Variants in MTERF2 observed in about 807,000 individuals in gnomAD.
MTERF2 encodes mitochondrial transcription termination factor 2, also known as transcription termination factor 2, mitochondrial.
MTERF2 carries 23 observed loss-of-function variants against 29.2 expected under a neutral mutation model. The ratio of observed to expected loss-of-function variants is 0.79; its 90% CI spans 0.57 to 1.12. The LOEUF is 1.12. Among genes scored for constraint, MTERF2 ranks in the 50% most tolerant of loss-of-function variants. The pLI, the probability that MTERF2 is intolerant of heterozygous loss-of-function variation, is 0.00. For synonymous variants in MTERF2, 157 were observed against 159.5 expected, an observed-to-expected ratio of 0.98 and a Z score of 0.12; for missense variants, 440 against 429.4, an observed-to-expected ratio of 1.02 and a Z score of -0.22.
At chr12:106,980,174 G>A (rs961768276) in intron 2 of MTERF2, among the ~76,000 whole-genome samples, 2 of 152,258 alleles carry the variant, frequency 1.3e-5, no homozygotes, top group East Asian at 1.9e-4. Flanking sequence ...GGGATTGTAG[G>A]TGTGGGCCCC....
In MTERF2 at chr12:106,978,047, G is replaced by A. The variant is rs751652765; in HGVS notation, c.668C>T (p.Ser223Phe). 4 of 1,613,934 alleles carry A rather than the reference G, an allele frequency of 2.5e-6. No homozygotes were observed. The highest frequency in any genetic ancestry group is 1.1e-5 in the South Asian group (1 of 91,032). The change falls in exon 3 of 3, where the codon TCT (serine) becomes TTT (phenylalanine). Residue 223 changes from serine (S) to phenylalanine (F), a missense_variant. By Grantham distance (155) the Ser-to-Phe change is radical (BLOSUM62 -2). Coordinates refer to ENST00000240050, the MANE Select transcript of MTERF2 (RefSeq NM_001033050.3). ...TAGTGTTTCCTTTATAGCTGTGGGA[G>A]AATTTAACAAAATAAATGGGTTTTG... is the stretch of plus-strand genomic sequence containing the variant. The part of the protein sequence containing the change: ...LSQNPFILLN[S>F]PTAIKETLEF...
In MTERF2 at chr12:106,978,441, T is replaced by C; in HGVS notation, c.274A>G (p.Thr92Ala). 2 of 1,614,246 alleles carry C rather than the reference T, an allele frequency of 1.2e-6. No homozygotes were observed. The highest frequency in any genetic ancestry group is 2.7e-5 in the African/African-American group (2 of 75,072). Residue 92 changes from threonine (T) to alanine (A), a missense_variant, in exon 3 of 3, where the codon ACT (threonine) becomes GCT (alanine). Coordinates refer to ENST00000240050, the MANE Select transcript of MTERF2 (RefSeq NM_001033050.3). ...NILQELGADE[T>A]AVASILERCP... ...CGTTCCAAAATACTGGCTACAGCAG[T>C]CTCATCGGCACCTAGTTCTTGTAAA...
chr12:106,981,505 G>A (rs1479961956), intron 2 of MTERF2, among the ~76,000 whole-genome samples: 1 of 151,798 alleles, frequency 6.6e-6, no homozygotes, highest in Non-Finnish European at 1.5e-5. Flanking sequence ...AAACCAAAAA[G>A]TTTATGTATG....
chr12:106,978,253 C>T lies in MTERF2; in HGVS notation c.462G>A (p.Gln154=), dbSNP rs142844165. 33 of 1,613,880 alleles carry T rather than the reference C, an allele frequency of 2.0e-5. No homozygotes were observed. In the African/African-American group the frequency reaches 4.3e-4, roughly 21 times the overall value. ...KDQENQKLNV[Q]FFQELGLKNV... is the part of the protein sequence containing the mutation. ...TTTTTAGTCCCAACTCTTGAAAGAA[C>T]TGAACATTCAGCTTCTGGTTCTCTT... The change falls in exon 3 of 3, where the codon CAG becomes CAA. Residue 154 remains glutamine (Q), a synonymous_variant. Transcript: ENST00000240050.
At chr12:106,986,633 T>G (rs2374656) in intron 1 of MTERF2, 12,940 of 152,230 alleles carry the variant, frequency 0.085, 863 homozygotes, top group African/African-American at 0.19. Flanking sequence ...TAAGCATTTT[T>G]GGGGAGTGAA....
At chr12:106,980,443 G>C (rs1952042157) in intron 2 of MTERF2, among the ~76,000 whole-genome samples, 1 of 152,188 alleles carries the variant, frequency 6.6e-6, no homozygotes, top group Non-Finnish European at 1.5e-5. Context: ...GGTATAGGGA[G>C]GGTGTCTTTC....
chr12:106,980,704 C>G (rs1952044409), intron 2 of MTERF2: 2 of 152,178 alleles, frequency 1.3e-5, no homozygotes, highest in African/African-American at 4.8e-5. Context: ...TTCCCTCACT[C>G]TTTACAGGTC....
At chr12:106,981,584 G>A (rs1478016493) in intron 2 of MTERF2, among the ~76,000 whole-genome samples, 1 of 150,212 alleles carries the variant, frequency 6.7e-6, no homozygotes, top group African/African-American at 2.5e-5. Context: ...ACAGTGGTGT[G>A]ATCTCGGCTC....
Position 106,978,151 on chromosome 12 carries a change from T to TA in MTERF2, c.563dup (p.Arg189LysfsTer14), listed in dbSNP as rs1952010206. 1.9e-6 allele frequency: 3 copies of TA among 1,614,134 alleles called. No homozygotes were observed. The highest frequency in any genetic ancestry group is 1.3e-5 in the African/African-American group (1 of 75,050). ...CTAGATAACTCTCTTGGAGAATTCTTACCATTTGCTTATTCTTCTCAACAG... is the reference window on the plus strand; with the variant it reads ...CTAGATAACTCTCTTGGAGAATTCTTAACCATTTGCTTATTCTTCTCAACAG... On this transcript the variant is annotated frameshift_variant, in exon 3 of 3. Coordinates refer to ENST00000240050, the MANE Select transcript of MTERF2 (RefSeq NM_001033050.3). LOFTEE classifies it high-confidence loss of function.
intron 2 of MTERF2, among the ~76,000 whole-genome samples, chr12:106,984,638 T>C (rs1302256836): frequency 3.3e-5 from 5 of 152,186 alleles, no homozygotes; most frequent in Admixed American, 3.3e-4. Context: ...AATTAAATCA[T>C]AGGGGTGGTT....
In MTERF2 at chr12:106,978,138, C is replaced by T. The variant is rs766655833; in HGVS notation, c.577G>A (p.Glu193Lys). The T allele has an allele frequency of 6.2e-7, 1 of 1,614,104 alleles. No homozygotes were observed. The highest frequency in any genetic ancestry group is 1.1e-5 in the South Asian group (1 of 91,044). Reference sequence around the variant, plus strand: ...GAGCCACCTACATCTAGATAACTCTCTTGGAGAATTCTTACCATTTGCTTA... The same window carrying T: ...GAGCCACCTACATCTAGATAACTCTTTTGGAGAATTCTTACCATTTGCTTA... ...KNKQMVRILQ[E>K]SYLDVGGSEA... Residue 193 changes from glutamate to lysine, a missense_variant, in exon 3 of 3, where the codon GAG becomes AAG. Coordinates refer to ENST00000240050, the MANE Select transcript of MTERF2 (RefSeq NM_001033050.3).
rs1194199868 is a variant in MTERF2 at position 106,980,143 on chromosome 12, G to A, written c.-57-1372C>T. Among the ~76,000 whole-genome samples the A allele has an allele frequency of 5.9e-5, 9 of 152,052 alleles. No homozygotes were observed. The East Asian group carries it at 9.7e-4, about 16-fold the overall frequency. ...GATCTCTTGACCTCGTGATCTGCCC[G>A]TCTCGGCCTCCCAAAGTGCTGGGAT... On this transcript the variant is annotated intron_variant, in intron 2 of 2. Coordinates refer to ENST00000240050, the MANE Select transcript of MTERF2 (RefSeq NM_001033050.3).
At chr12:106,979,417 A>AT (rs897990964) in intron 2 of MTERF2, among the ~76,000 whole-genome samples, 26 of 152,274 alleles carry the variant, frequency 1.7e-4, no homozygotes, top group East Asian at 1.2e-3. Flanking sequence ...TAATAAATGG[A>AT]TTTTTTTGTT....
chr12:106,978,159 G>T lies in MTERF2; in HGVS notation c.556C>A (p.Gln186Lys). The T allele has an allele frequency of 6.2e-7, 1 of 1,614,030 alleles. No homozygotes were observed. Residue 186 changes from glutamine to lysine, a missense_variant, in exon 3 of 3, where the codon CAA becomes AAA. Gln to Lys is a moderately conservative substitution (Grantham distance 53). Coordinates refer to ENST00000240050, the MANE Select transcript of MTERF2 (RefSeq NM_001033050.3). ...CTCTCTTGGAGAATTCTTACCATTTGCTTATTCTTCTCAACAGGATTATGA... is the reference window on the plus strand; with the variant it reads ...CTCTCTTGGAGAATTCTTACCATTTTCTTATTCTTCTCAACAGGATTATGA... ...VFHNPVEKNK[Q>K]MVRILQESYL...
chr12:106,986,132 C>T (rs1343471843), intron 1 of MTERF2: 2 of 152,138 alleles, frequency 1.3e-5, no homozygotes, highest in Non-Finnish European at 2.9e-5. Context: ...TAGTATTTGT[C>T]AGGTGAAACT....
chr12:106,981,266 T>C lies in MTERF2; in HGVS notation c.-57-2495A>G, dbSNP rs1593480476. ...CTCAGAGAAAACAAGACAGCAGTGATTAGAACAGCGCCTCACACTAACTAT... is the reference window on the plus strand; with the variant it reads ...CTCAGAGAAAACAAGACAGCAGTGACTAGAACAGCGCCTCACACTAACTAT... On this transcript the variant is annotated intron_variant, in intron 2 of 2. Transcript: ENST00000240050. Among the ~76,000 whole-genome samples the C allele has an allele frequency of 1.3e-5, 2 of 152,256 alleles. 1 individual carries two copies. Among genetic ancestry groups the C allele is most frequent in the East Asian group, 3.9e-4 (2 of 5,174 alleles).
intron 2 of MTERF2, among the ~76,000 whole-genome samples, chr12:106,984,191 T>C (rs1952084094): frequency 6.6e-6 from 1 of 152,166 alleles, no homozygotes; most frequent in Non-Finnish European, 1.5e-5. Flanking sequence ...AAGTGTTTGC[T>C]CCTTCAGGTG....
rs765822483 is a variant in MTERF2, at chr12:106,977,776, T to C, written c.939A>G (p.Ile313Met). ...CCATTGGCGTCTCTCTTATCTGAGC[T>C]ATGGAAATTCCTTCTCTCAATAATC... is the stretch of plus-strand genomic sequence containing the variant. ...MQGLLREGIS[I>M]AQIRETPMVL... The change falls in exon 3 of 3, where the codon ATA (isoleucine) becomes ATG (methionine). Residue 313 changes from isoleucine to methionine, a missense_variant. Physicochemically the swap from Ile to Met is conservative, Grantham distance 10 (BLOSUM62 1). Coordinates refer to ENST00000240050, the MANE Select transcript of MTERF2 (RefSeq NM_001033050.3). 3 of 1,613,998 alleles carry C rather than the reference T, an allele frequency of 1.9e-6. No homozygotes were observed. The highest frequency in any genetic ancestry group is 2.2e-5 in the East Asian group (1 of 44,860).
chr12:106,979,027 A>G (rs1382672645), intron 2 of MTERF2, among the ~76,000 whole-genome samples: 1 of 151,838 alleles, frequency 6.6e-6, no homozygotes, highest in East Asian at 1.9e-4. Context: ...AAAAAAAAAA[A>G]CCTCCTAAAT....
Sources: gnomAD v4.1 joint callset for allele counts (sites outside exome capture counted in the v4.1 genomes callset) on GRCh38, gnomAD v4.1.1 for gene constraint, MANE v1.5 for transcripts, NCBI Gene and HGNC (gene_info 2026-07-23, HGNC 2026-07-21) for gene names.